The following FAT3 variants were observed in gnomAD, a reference collection of about 807,000 sequenced individuals.
The protein encoded by FAT3 is protocadherin Fat 3.
A neutral mutation model predicts 310.2 loss-of-function variants in FAT3; 95 were observed. The observed-to-expected ratio is 0.31, with a 90% CI of 0.26 to 0.36. FAT3 has a LOEUF of 0.36. Among genes scored for constraint, FAT3 ranks in the 10% least tolerant of loss-of-function variants. FAT3 has a pLI of 1.00. For synonymous variants in FAT3, 2,314 were observed against 2,192.9 expected, an observed-to-expected ratio of 1.06 and a Z score of -1.54; for missense variants, 5,408 against 5,715.6, an observed-to-expected ratio of 0.95 and a Z score of 1.74.
intron 3 of FAT3, among the ~76,000 whole-genome samples, chr11:92,567,525 C>G (rs1955506251): frequency 6.6e-6 from 1 of 150,482 alleles, no homozygotes; most frequent in Non-Finnish European, 1.5e-5. Context: ...ACCCAGCCAT[C>G]CCATTACTGG....
rs185884406 is a variant in FAT3, at chr11:92,671,632, T to C, written c.3608-25752T>C. Among the ~76,000 whole-genome samples the C allele has an allele frequency of 9.3e-4, 142 of 152,250 alleles. 2 individuals carry two copies. In the East Asian group the frequency reaches 0.019, roughly 20 times the overall value. On this transcript the variant is annotated intron_variant, in intron 3 of 27. Coordinates refer to ENST00000525166, the MANE Select transcript of FAT3 (RefSeq NM_001367949.2). Reference sequence around the variant, plus strand: ...ATTCACTAGTTTTCCTTCAAAGCATTTATTGTTTCCAATCCCATATTTGTG... The same window carrying C: ...ATTCACTAGTTTTCCTTCAAAGCATCTATTGTTTCCAATCCCATATTTGTG...
intron 22 of FAT3, among the ~76,000 whole-genome samples, chr11:92,880,447 T>C (rs1007612573): frequency 2.6e-5 from 4 of 151,720 alleles, no homozygotes; most frequent in African/African-American, 9.7e-5. Flanking sequence ...CATCTTGGGT[T>C]CTGCTCTTGA....
At chr11:92,661,991 G>T (rs1367317179) in intron 3 of FAT3, among the ~76,000 whole-genome samples, 1 of 152,056 alleles carries the variant, frequency 6.6e-6, no homozygotes, top group Non-Finnish European at 1.5e-5. Context: ...TCTCTTGGTA[G>T]CCAAGCAGAA....
At chr11:92,423,278 G>A (rs1333284831) in intron 2 of FAT3, among the ~76,000 whole-genome samples, 1 of 152,012 alleles carries the variant, frequency 6.6e-6, no homozygotes, top group African/African-American at 2.4e-5. Context: ...GAAGTTAGTC[G>A]GTTGCAAAGA....
chr11:92,229,795 C>CTTT (rs375129999), intron 1 of FAT3, among the ~76,000 whole-genome samples: 5 of 107,914 alleles, frequency 4.6e-5, no homozygotes, highest in African/African-American at 6.8e-5. Flanking sequence ...GATTTTTTTT[C>CTTT]TTTTTTTTTT....
chr11:92,763,345 T>C (rs750200000), intron 5 of FAT3, among the ~76,000 whole-genome samples: 6 of 152,096 alleles, frequency 3.9e-5, no homozygotes, highest in Non-Finnish European at 7.4e-5. Flanking sequence ...AAAAAAAATA[T>C]AGTAAAACAC....
chr11:92,829,562 G>A (rs1439525124), intron 13 of FAT3, among the ~76,000 whole-genome samples: 1 of 152,130 alleles, frequency 6.6e-6, no homozygotes, highest in Non-Finnish European at 1.5e-5. Flanking sequence ...TATGCAACCC[G>A]TGTGTGTATT....
At chr11:92,823,555 G>T (rs1174361362) in intron 13 of FAT3, among the ~76,000 whole-genome samples, 1 of 152,144 alleles carries the variant, frequency 6.6e-6, no homozygotes, top group South Asian at 2.1e-4. Flanking sequence ...AAGAGTCCCT[G>T]TATTTTTATT....
intron 2 of FAT3, among the ~76,000 whole-genome samples, chr11:92,469,017 T>G (rs1175367067): frequency 2.0e-5 from 3 of 152,246 alleles, no homozygotes; most frequent in Admixed American, 6.5e-5. Context: ...AAAGTCATTT[T>G]CAAATGTATT....
intron 2 of FAT3, among the ~76,000 whole-genome samples, chr11:92,432,576 G>C (rs1046494669): frequency 2.0e-5 from 3 of 152,198 alleles, no homozygotes; most frequent in African/African-American, 7.2e-5. Context: ...CTGTTTGCCT[G>C]AGTGTCACCA....
At chr11:92,415,515 C>T (rs958852040) in intron 2 of FAT3, among the ~76,000 whole-genome samples, 4 of 152,100 alleles carry the variant, frequency 2.6e-5, no homozygotes, top group African/African-American at 7.2e-5. Context: ...TGTTGGCCAT[C>T]GTTTCGGAAA....
chr11:92,792,224 T>A (rs1947057268), intron 8 of FAT3, among the ~76,000 whole-genome samples: 1 of 152,198 alleles, frequency 6.6e-6, no homozygotes, highest in Non-Finnish European at 1.5e-5. Flanking sequence ...TTGTTTGTAT[T>A]CCCACTTGAC....
intron 13 of FAT3, among the ~76,000 whole-genome samples, chr11:92,831,337 C>T (rs1948242095): frequency 6.6e-6 from 1 of 152,174 alleles, no homozygotes; most frequent in Admixed American, 6.5e-5. Flanking sequence ...CTATTAGCCT[C>T]ACAGTTTTTC....
Position 92,890,953 on chromosome 11 carries a change from C to T in FAT3, c.13610C>T (p.Ser4537Phe), listed in dbSNP as rs764541781. 6.2e-7 allele frequency: 1 copy of T among 1,613,862 alleles called. No individual in the cohort carries two copies. The highest frequency in any genetic ancestry group is 1.3e-5 in the African/African-American group (1 of 74,946). Residue 4537 changes from serine (S) to phenylalanine (F), a missense_variant, in exon 28 of 28, where the codon TCC becomes TTC. Coordinates refer to ENST00000525166, the MANE Select transcript of FAT3 (RefSeq NM_001367949.2). ...PTGPADSVSL[S>F]LHNSRGTSSS... ...GGCCCAGCAGACAGCGTGTCTCTGT[C>T]CTTGCACAATTCCAGAGGCACCTCA... is the stretch of plus-strand genomic sequence containing the variant.
intron 1 of FAT3, among the ~76,000 whole-genome samples, chr11:92,287,991 G>A (rs183592840): frequency 1.3e-3 from 199 of 152,244 alleles, no homozygotes; most frequent in African/African-American, 4.6e-3. Flanking sequence ...ATGGAGGCAC[G>A]TCTTTGTAAA....
intron 4 of FAT3, among the ~76,000 whole-genome samples, chr11:92,746,194 C>T (rs527741686): frequency 7.9e-5 from 12 of 152,266 alleles, no homozygotes; most frequent in African/African-American, 2.4e-4. Flanking sequence ...CTAATAAAGG[C>T]GTAACTGAAG....
chr11:92,245,835 G>T (rs535157415), intron 1 of FAT3, among the ~76,000 whole-genome samples: 2 of 152,284 alleles, frequency 1.3e-5, no homozygotes, highest in African/African-American at 4.8e-5. Flanking sequence ...GATAGTTGAG[G>T]ATAGAACTTG....
At chr11:92,287,845 G>C (rs1003182633) in intron 1 of FAT3, among the ~76,000 whole-genome samples, 1 of 152,100 alleles carries the variant, frequency 6.6e-6, no homozygotes, top group Non-Finnish European at 1.5e-5. Context: ...GAACTGTGCT[G>C]CTGTGAAATG....
intron 1 of FAT3, among the ~76,000 whole-genome samples, chr11:92,249,573 G>A (rs1465958233): frequency 6.6e-6 from 1 of 152,030 alleles, no homozygotes; most frequent in Non-Finnish European, 1.5e-5. Context: ...CTTTTAAGAG[G>A]CTTCTTGGCT....
Sources: gnomAD v4.1 joint callset for allele counts (sites outside exome capture counted in the v4.1 genomes callset) on GRCh38, gnomAD v4.1.1 for gene constraint, MANE v1.5 for transcripts, NCBI Gene and HGNC (gene_info 2026-07-23, HGNC 2026-07-21) for gene names.